Variants in ARHGEF9 observed in about 807,000 individuals in gnomAD.
ARHGEF9 encodes rho guanine nucleotide exchange factor 9.
Under a neutral mutation model 41.3 loss-of-function variants are expected in ARHGEF9, and 2 were observed. That is an observed-to-expected ratio of 0.05 (90% CI 0.02 to 0.15). The LOEUF (loss-of-function observed/expected upper bound fraction) is 0.15. Ranked by LOEUF, ARHGEF9 falls within the 10% of genes least tolerant of loss-of-function variation. ARHGEF9 has a pLI of 1.00. For synonymous variants in ARHGEF9, 160 were observed against 154.4 expected (o/e 1.04, Z -0.27); for missense variants, 225 against 424.7 (o/e 0.53, Z 4.13).
At chrX:63,679,036 T>C (rs1184686901) in intron 4 of ARHGEF9, among the ~76,000 whole-genome samples, 1 of 112,114 alleles carries the variant, frequency 8.9e-6, no homozygotes, top group Non-Finnish European at 1.9e-5. Context: ...GAGCCTGATA[T>C]TATCTCCATA....
At chrX:63,699,637 G>C (rs2052014022) in intron 3 of ARHGEF9, among the ~76,000 whole-genome samples, 1 of 111,983 alleles carries the variant, frequency 8.9e-6, no homozygotes, top group Non-Finnish European at 1.9e-5. Flanking sequence ...TGTATGTTAT[G>C]GCAGGGGATA....
At chrX:63,755,539 GAAGA>G (rs2055903425) in intron 1 of ARHGEF9, among the ~76,000 whole-genome samples, 1 of 110,979 alleles carries the variant, frequency 9.0e-6, no homozygotes, top group Non-Finnish European at 1.9e-5. Flanking sequence ...GGAAGATAAT[GAAGA>G]AAGAGAATTG....
chrX:63,696,981 G>A (rs781799757), intron 4 of ARHGEF9, 144 bp downstream of exon 4: 11 of 598,125 alleles, frequency 1.8e-5, no homozygotes, highest in Non-Finnish European at 2.8e-5. Context: ...CCTGGCTAGA[G>A]ACCAGGGGTC....
At chrX:63,647,946 T>A (rs782684260) in intron 8 of ARHGEF9, among the ~76,000 whole-genome samples, 2 of 111,376 alleles carry the variant, frequency 1.8e-5, no homozygotes, top group African/African-American at 6.5e-5. Flanking sequence ...AATATGGGAC[T>A]ATGTGAAAAG....
At chrX:63,704,004 T>C (rs1556398700) in intron 3 of ARHGEF9, among the ~76,000 whole-genome samples, 4 of 111,500 alleles carry the variant, frequency 3.6e-5, no homozygotes, top group East Asian at 2.9e-4. Context: ...AACGAAAGCA[T>C]AGCAGAAAGG....
At chrX:63,683,814 C>T (rs2050810157) in intron 4 of ARHGEF9, among the ~76,000 whole-genome samples, 1 of 110,765 alleles carries the variant, frequency 9.0e-6, no homozygotes, top group Non-Finnish European at 1.9e-5. Context: ...CAAAATTGGG[C>T]CCATATTTTA....
intron 4 of ARHGEF9, among the ~76,000 whole-genome samples, chrX:63,693,772 CAAAT>C (rs1372593021): frequency 6.4e-5 from 7 of 109,620 alleles, no homozygotes; most frequent in Admixed American, 9.8e-5. Flanking sequence ...ATATAGATGG[CAAAT>C]AAACACATGA....
intron 2 of ARHGEF9, among the ~76,000 whole-genome samples, chrX:63,718,830 G>T (rs1556411788): frequency 9.0e-6 from 1 of 111,669 alleles, no homozygotes; most frequent in African/African-American, 3.3e-5. Flanking sequence ...CTGCCTGGAG[G>T]CTGAGGGATA....
chrX:63,732,754 C>T (rs1345490644), intron 1 of ARHGEF9, among the ~76,000 whole-genome samples: 5 of 111,502 alleles, frequency 4.5e-5, no homozygotes, highest in Non-Finnish European at 9.4e-5. Context: ...CACCTCCAGT[C>T]CCACATTTCC....
chrX:63,688,333 G>C (rs1306809894), intron 4 of ARHGEF9, among the ~76,000 whole-genome samples: 1 of 111,778 alleles, frequency 8.9e-6, no homozygotes, highest in Non-Finnish European at 1.9e-5. Flanking sequence ...GAAGCTGAGG[G>C]AATTCATCAA....
At position 63,662,366 on chromosome X, in the gene ARHGEF9, ACT is replaced by A. The variant is rs781936475; in HGVS notation, c.1077+3518_1077+3519del. 2.3e-3 allele frequency among the ~76,000 whole-genome samples: 260 copies of A among 111,624 alleles called. 1 individual carries two copies. Among genetic ancestry groups the A allele is most frequent in the African/African-American group, 7.9e-3 (244 of 30,769 alleles). On this transcript the variant is annotated intron_variant, in intron 7 of 9. Transcript: ENST00000671741. The stretch of plus-strand genomic sequence containing the variant: ...GGGAAAATCTGAAATGCAGGAGGAC[ACT>A]CTCTGTCCTGTGCAATCCTCCTATT...
intron 1 of ARHGEF9, chrX:63,767,114 T>G: frequency 1.0e-6 from 1 of 961,413 alleles, no homozygotes; most frequent in South Asian, 1.9e-5. Flanking sequence ...CAGTGAACAC[T>G]TTCACCATTA....
Position 63,678,493 on chromosome X carries a change from T to C in ARHGEF9, c.662A>G (p.Asp221Gly), listed in dbSNP as rs782736990. The C allele has an allele frequency of 8.3e-7, 1 of 1,203,407 alleles. No individual in the cohort carries two copies. Among genetic ancestry groups the C allele is most frequent in the African/African-American group, 1.8e-5 (1 of 56,974 alleles). Residue 221 changes from aspartate to glycine, a missense_variant, in exon 5 of 10, where the codon GAC (aspartate) becomes GGC (glycine). Asp to Gly is a moderately conservative substitution (Grantham distance 94). Coordinates refer to ENST00000671741, the MANE Select transcript of ARHGEF9 (RefSeq NM_001353921.2). ...CTCAAAGAAGTGCTGGTAGCGGCTG[T>C]CCTTCATCAGTTTGGAGAGCTCCAT... ...ACMELSKLMK[D>G]SRYQHFFEAC...
intron 1 of ARHGEF9, among the ~76,000 whole-genome samples, chrX:63,734,642 T>C (rs1203857520): frequency 2.7e-5 from 3 of 111,704 alleles, no homozygotes; most frequent in African/African-American, 9.8e-5. Flanking sequence ...CTTATCCTTC[T>C]TGTGTCAGAT....
In ARHGEF9 at chrX:63,783,535, C is replaced by T. The variant is rs193025761; in HGVS notation, c.30+1581G>A. 2.2e-3 allele frequency among the ~76,000 whole-genome samples: 243 copies of T among 111,876 alleles called. 3 individuals are homozygous for T. The highest frequency in any genetic ancestry group is 7.5e-3 in the African/African-American group (231 of 30,786). ...CCTCCCAAAGTGCTGGGATTACAGG[C>T]GTGGGCGGCCGCGCCCGGCTTTCAG... On this transcript the variant is annotated intron_variant, in intron 1 of 9. Transcript: ENST00000671741.
intron 8 of ARHGEF9, among the ~76,000 whole-genome samples, chrX:63,649,840 A>C (rs1197711762): frequency 1.8e-5 from 2 of 112,102 alleles, no homozygotes; most frequent in Non-Finnish European, 3.8e-5. Context: ...GAAAATCTAG[A>C]AGAAATGGAC....
At chrX:63,751,435 C>T (rs1297051091) in intron 1 of ARHGEF9, among the ~76,000 whole-genome samples, 1 of 111,754 alleles carries the variant, frequency 8.9e-6, no homozygotes, top group African/African-American at 3.3e-5. Flanking sequence ...AGAAAAATAT[C>T]CTCACAAGTC....
chrX:63,688,004 G>A (rs1464704359), intron 4 of ARHGEF9, among the ~76,000 whole-genome samples: 7 of 111,068 alleles, frequency 6.3e-5, no homozygotes, highest in African/African-American at 9.8e-5. Flanking sequence ...TCCAGGTACA[G>A]GGTTAAAGAC....
chrX:63,727,567 C>G, intron 1 of ARHGEF9: 2 of 111,755 alleles, frequency 1.8e-5, no homozygotes, highest in Non-Finnish European at 3.8e-5. Context: ...AGTAACTTGC[C>G]TACAGTCATC....
Sources: gnomAD v4.1 joint callset for allele counts (sites outside exome capture counted in the v4.1 genomes callset) on GRCh38, gnomAD v4.1.1 for gene constraint, MANE v1.5 for transcripts, NCBI Gene and HGNC (gene_info 2026-07-23, HGNC 2026-07-21) for gene names.